Variants in BRD10 observed in about 807,000 individuals in gnomAD.
The protein encoded by BRD10 is bromodomain containing 10.
the BRD10 span, chr9:5,920,361 T>C: frequency 6.2e-7 from 1 of 1,613,892 alleles, no homozygotes; most frequent in South Asian, 1.1e-5. Flanking sequence ...GTACTGGTAT[T>C]GATGACTATT....
the BRD10 span, among the ~76,000 whole-genome samples, chr9:5,995,314 T>C: frequency 3.3e-5 from 5 of 152,358 alleles, no homozygotes; most frequent in African/African-American, 4.8e-5. Context: ...AACTTCCTGC[T>C]TCTCAAAAAC....
At chr9:5,965,683 T>C in the BRD10 span, among the ~76,000 whole-genome samples, 2 of 152,218 alleles carry the variant, frequency 1.3e-5, no homozygotes, top group African/African-American at 2.4e-5. Flanking sequence ...AAATCTATTA[T>C]CAGTTTTGCA....
At chr9:5,994,425 A>C in the BRD10 span, among the ~76,000 whole-genome samples, 1 of 152,236 alleles carries the variant, frequency 6.6e-6, no homozygotes, top group African/African-American at 2.4e-5. Context: ...GAAAAGAAGT[A>C]GTCTTCATAC....
the BRD10 span, chr9:5,919,457 C>G: frequency 2.2e-6 from 1 of 456,032 alleles, no homozygotes; most frequent in Non-Finnish European, 3.8e-6. Flanking sequence ...TTGAAACCCT[C>G]CTCAGAACAG....
the BRD10 span, among the ~76,000 whole-genome samples, chr9:5,923,764 G>C: frequency 2.1e-4 from 32 of 152,158 alleles, no homozygotes; most frequent in Admixed American, 2.1e-3. Flanking sequence ...AAAATATCCA[G>C]CTTTTACTGA....
chr9:5,922,729 A>G, the BRD10 span: 1 of 1,613,996 alleles, frequency 6.2e-7, no homozygotes, highest in Non-Finnish European at 8.5e-7. Context: ...GATCCACCAT[A>G]GGCTGCACCT....
chr9:5,969,559 T>C, the BRD10 span: 1 of 707,898 alleles, frequency 1.4e-6, no homozygotes, highest in Non-Finnish European at 2.2e-6. Flanking sequence ...TATTTATTTA[T>C]TTGAGACAGA....
At chr9:5,943,723 G>A in the BRD10 span, among the ~76,000 whole-genome samples, 1 of 152,074 alleles carries the variant, frequency 6.6e-6, no homozygotes, top group South Asian at 2.1e-4. Context: ...CATTTTTAAT[G>A]AAAATATTTC....
chr9:5,955,234 GA>G, the BRD10 span, among the ~76,000 whole-genome samples: 1 of 151,194 alleles, frequency 6.6e-6, no homozygotes, highest in Non-Finnish European at 1.5e-5. Flanking sequence ...AAGCTACGGG[GA>G]CAACAAGGAA....
At chr9:5,928,154 C>T in the BRD10 span, among the ~76,000 whole-genome samples, 1 of 152,116 alleles carries the variant, frequency 6.6e-6, no homozygotes, top group South Asian at 2.1e-4. Flanking sequence ...TTTCATTCCT[C>T]ACTTTCTCTC....
At chr9:5,923,115 T>C in the BRD10 span, 33 of 1,613,874 alleles carry the variant, frequency 2.0e-5, no homozygotes, top group South Asian at 1.1e-4. Context: ...TTCTCAACTG[T>C]TGTCTCATTT....
At chr9:5,907,863 G>C in the BRD10 span, among the ~76,000 whole-genome samples, 2 of 152,206 alleles carry the variant, frequency 1.3e-5, no homozygotes, top group Admixed American at 6.5e-5. Flanking sequence ...TGAGGCAGGA[G>C]AATCACTTGA....
the BRD10 span, among the ~76,000 whole-genome samples, chr9:5,972,748 G>A: frequency 1.1e-4 from 16 of 152,276 alleles, no homozygotes; most frequent in East Asian, 1.9e-4. Context: ...ACAGAACCAT[G>A]AGCCAAATAA....
At chr9:5,919,543 AACACACACACACACACACACACACACAC>A in the BRD10 span, 2 of 394,970 alleles carry the variant, frequency 5.1e-6, no homozygotes, top group Non-Finnish European at 8.7e-6. Flanking sequence ...GATACATTAA[AACACACACACACACACACACACACACAC>A]ACACACACAC....
chr9:5,948,944 C>A, the BRD10 span, among the ~76,000 whole-genome samples: 6 of 151,964 alleles, frequency 3.9e-5, no homozygotes, highest in Non-Finnish European at 7.4e-5. Context: ...GCAACAAGGA[C>A]TACTTAAAAA....
chr9:5,999,111 T>A, the BRD10 span, among the ~76,000 whole-genome samples: 2 of 151,984 alleles, frequency 1.3e-5, no homozygotes, highest in African/African-American at 4.8e-5. Context: ...GCCATAATTC[T>A]TTTTTTGGTT....
the BRD10 span, among the ~76,000 whole-genome samples, chr9:5,951,876 T>C: frequency 1.3e-5 from 2 of 152,162 alleles, no homozygotes; most frequent in Non-Finnish European, 2.9e-5. Flanking sequence ...GTGGTATTCA[T>C]ATTGTAAACT....
the BRD10 span, chr9:5,922,130 G>C: frequency 1.9e-6 from 3 of 1,613,954 alleles, no homozygotes; most frequent in Non-Finnish European, 2.5e-6. Context: ...TACAACTCCA[G>C]TGTTCCCACC....
At chr9:5,886,987 A>G in the BRD10 span, among the ~76,000 whole-genome samples, 142,666 of 152,200 alleles carry the variant, frequency 0.94, 67,248 homozygotes, top group Non-Finnish European at 0.99. Context: ...GGCCAGGTGC[A>G]GTGGGTCGCG....
Sources: gnomAD v4.1 joint callset for allele counts (sites outside exome capture counted in the v4.1 genomes callset) on GRCh38, gnomAD v4.1.1 for gene constraint, MANE v1.5 for transcripts, NCBI Gene and HGNC (gene_info 2026-07-23, HGNC 2026-07-21) for gene names.